The following REPS2 variants were observed in gnomAD, a reference collection of about 807,000 sequenced individuals.
REPS2 encodes RALBP1 associated Eps domain containing 2, also known as ralBP1-associated Eps domain-containing protein 2.
A neutral mutation model predicts 53.6 loss-of-function variants in REPS2; 23 were observed. The observed-to-expected ratio is 0.43, with a 90% confidence interval of 0.31 to 0.61. The LOEUF (loss-of-function observed/expected upper bound fraction) is 0.61. Ranked by LOEUF, REPS2 falls within the 20% of genes least tolerant of loss-of-function variation. The pLI, the probability that REPS2 is intolerant of heterozygous loss-of-function variation, is 0.11. For missense variants in REPS2, 446 were observed against 534.9 expected (o/e 0.83, Z 1.64); for synonymous variants, 238 against 218.6 (o/e 1.09, Z -0.78).
intron 14 of REPS2, among the ~76,000 whole-genome samples, chrX:17,111,637 G>C (rs1449194646): frequency 8.9e-6 from 1 of 111,908 alleles, no homozygotes; most frequent in African/African-American, 3.2e-5. Flanking sequence ...ACTGAAAGCT[G>C]TACCACACTG....
intron 5 of REPS2, among the ~76,000 whole-genome samples, chrX:17,030,745 G>A (rs1369246523): frequency 8.9e-6 from 1 of 112,281 alleles, no homozygotes; most frequent in Non-Finnish European, 1.9e-5. Flanking sequence ...AGTTGACTGT[G>A]GTTGAGAGAG....
At chrX:17,068,518 AC>A in intron 10 of REPS2, 47 bp downstream of exon 10, 1 of 998,991 alleles carries the variant, frequency 1.0e-6, no homozygotes, top group Non-Finnish European at 1.4e-6. Flanking sequence ...TCTACCTGTT[AC>A]CTTATCTACT....
chrX:17,007,232 GAGA>G (rs1312968327), intron 2 of REPS2, among the ~76,000 whole-genome samples: 1 of 112,037 alleles, frequency 8.9e-6, no homozygotes, highest in Non-Finnish European at 1.9e-5. Flanking sequence ...CCAAATGGCC[GAGA>G]AGATTGCCAT....
chrX:17,004,974 T>C (rs1306697687), intron 1 of REPS2, among the ~76,000 whole-genome samples: 1 of 111,399 alleles, frequency 9.0e-6, no homozygotes, highest in East Asian at 2.8e-4. Flanking sequence ...GCTGAGGTTA[T>C]AGGCATGAGC....
chrX:17,131,111 A>G (rs1427611331), intron 14 of REPS2, among the ~76,000 whole-genome samples: 2 of 111,628 alleles, frequency 1.8e-5, no homozygotes, highest in Admixed American at 9.5e-5. Flanking sequence ...TTGGGATAAA[A>G]TGTAGGAACA....
At position 17,148,573 on chromosome X, in the gene REPS2, G is replaced by A. The variant is rs988346863; in HGVS notation, c.*1092G>A. ...ATGTGACTGTTTTGTTCTCTGTAAAGTGTATTCTTGGGAAGTGATTGGTTT... is the reference window on the plus strand; with the variant it reads ...ATGTGACTGTTTTGTTCTCTGTAAAATGTATTCTTGGGAAGTGATTGGTTT... On this transcript the variant is annotated 3_prime_UTR_variant, in exon 18 of 18. Transcript: ENST00000357277. 1 of 125,975 alleles carries A rather than the reference G, an allele frequency of 7.9e-6. No individual in the cohort carries two copies. Among genetic ancestry groups the A allele is most frequent in the South Asian group, 2.7e-4 (1 of 3,721 alleles). The allele number at this position is 125,975 out of a possible 1,213,427, so 10.4% of individuals were successfully genotyped here.
intron 6 of REPS2, among the ~76,000 whole-genome samples, chrX:17,051,741 C>T (rs1294257968): frequency 8.9e-6 from 1 of 112,262 alleles, no homozygotes; most frequent in African/African-American, 3.2e-5. Flanking sequence ...GTACTGGGAG[C>T]TGAAAGCATT....
the REPS2 span, among the ~76,000 whole-genome samples, chrX:17,184,384 T>G: frequency 1.9e-5 from 2 of 105,940 alleles, no homozygotes; most frequent in African/African-American, 3.4e-5. Flanking sequence ...CTGCATAGTA[T>G]TCCATGGTGT....
chrX:16,967,456 A>G (rs933978893), intron 1 of REPS2, among the ~76,000 whole-genome samples: 1 of 110,480 alleles, frequency 9.1e-6, no homozygotes, highest in Non-Finnish European at 1.9e-5. Flanking sequence ...TGGGAGGATC[A>G]CTTGAGCTGG....
At chrX:17,068,571 T>C in intron 10 of REPS2, 100 bp downstream of exon 10, 1 of 594,685 alleles carries the variant, frequency 1.7e-6, no homozygotes, top group Non-Finnish European at 2.7e-6. Context: ...AGGGTGGTTC[T>C]CAGCATGTAA....
At chrX:17,066,336 GGA>G (rs2062224848) in intron 9 of REPS2, among the ~76,000 whole-genome samples, 1 of 112,428 alleles carries the variant, frequency 8.9e-6, no homozygotes, top group East Asian at 2.8e-4. Context: ...AGATCAGTTT[GGA>G]GAGTATGGCC....
At chrX:17,074,076 A>T (rs771878060) in intron 11 of REPS2, 38 bp from the exon 12 acceptor site, 2 of 1,179,369 alleles carry the variant, frequency 1.7e-6, no homozygotes, top group Non-Finnish European at 2.3e-6. Context: ...AACTTGTTTA[A>T]CTGCAGAAAT....
At chrX:17,180,070 T>C in the REPS2 span, among the ~76,000 whole-genome samples, 1 of 111,718 alleles carries the variant, frequency 9.0e-6, no homozygotes, top group East Asian at 2.8e-4. Flanking sequence ...GTATGGAGAA[T>C]TTCATAGAAA....
intron 11 of REPS2, among the ~76,000 whole-genome samples, chrX:17,073,652 C>T (rs1449395280): frequency 1.8e-5 from 2 of 108,689 alleles, no homozygotes; most frequent in Non-Finnish European, 3.8e-5. Context: ...TTTTTTGTGG[C>T]CATGCTGCTC....
chrX:17,166,103 T>C, the REPS2 span, among the ~76,000 whole-genome samples: 1 of 111,330 alleles, frequency 9.0e-6, no homozygotes, highest in African/African-American at 3.3e-5. Context: ...AAGCTCTCTT[T>C]TGATGCTCTG....
intron 14 of REPS2, among the ~76,000 whole-genome samples, chrX:17,115,863 A>G (rs1310884050): frequency 8.9e-6 from 1 of 111,956 alleles, no homozygotes; most frequent in East Asian, 2.8e-4. Flanking sequence ...TTATAGATTA[A>G]CAGCATCTCA....
At chrX:17,054,761 G>C in intron 7 of REPS2, 47 bp from the exon 8 acceptor site, 1 of 1,189,530 alleles carries the variant, frequency 8.4e-7, no homozygotes, top group Middle Eastern at 2.4e-4. Flanking sequence ...CAAGTAACTT[G>C]TTCTGTAAGC....
chrX:17,165,340 A>T, the REPS2 span, among the ~76,000 whole-genome samples: 2 of 111,931 alleles, frequency 1.8e-5, no homozygotes, highest in African/African-American at 6.5e-5. Context: ...CACCAAAAGA[A>T]CCAGGGTGGC....
At chrX:17,102,574 A>T (rs1175468920) in intron 13 of REPS2, among the ~76,000 whole-genome samples, 1 of 111,895 alleles carries the variant, frequency 8.9e-6, no homozygotes, top group African/African-American at 3.2e-5. Context: ...CATAAATTTT[A>T]ATGAAAGACA....
Sources: gnomAD v4.1 joint callset for allele counts (sites outside exome capture counted in the v4.1 genomes callset) on GRCh38, gnomAD v4.1.1 for gene constraint, MANE v1.5 for transcripts, NCBI Gene and HGNC (gene_info 2026-07-23, HGNC 2026-07-21) for gene names.